EPHB2: variants seen among roughly 807,000 people sequenced by gnomAD.
EPHB2 encodes ephrin type-B receptor 2.
EPHB2 carries 18 observed loss-of-function variants against 96.4 expected under a neutral mutation model. The ratio of observed to expected loss-of-function variants is 0.19; its 90% confidence interval spans 0.13 to 0.28. The LOEUF (loss-of-function observed/expected upper bound fraction) is 0.28, where lower values mean the gene tolerates loss of function less well. Among genes scored for constraint, EPHB2 ranks in the 10% least tolerant of loss-of-function variants. EPHB2 has a pLI of 1.00. For synonymous variants in EPHB2, 506 were observed against 534.1 expected, an observed-to-expected ratio of 0.95 and a Z score of 0.72; for missense variants, 989 against 1,355.4, an observed-to-expected ratio of 0.73 and a Z score of 4.25.
chr1:22,780,702 G>C (rs536719761), intron 1 of EPHB2, among the ~76,000 whole-genome samples: 3 of 152,320 alleles, frequency 2.0e-5, no homozygotes, highest in South Asian at 2.1e-4. Context: ...TTTAGTGGCA[G>C]AGCCTCGGAA....
intron 1 of EPHB2, among the ~76,000 whole-genome samples, chr1:22,737,881 T>C (rs1185305852): frequency 6.6e-6 from 1 of 152,082 alleles, no homozygotes; most frequent in Non-Finnish European, 1.5e-5. Context: ...CCACAAGACC[T>C]TGGAAGTAGG....
At chr1:22,767,770 C>T (rs927956299) in intron 1 of EPHB2, among the ~76,000 whole-genome samples, 1 of 152,186 alleles carries the variant, frequency 6.6e-6, no homozygotes, top group East Asian at 1.9e-4. Flanking sequence ...ATGTCAAGGG[C>T]CCCACCAGCC....
At chr1:22,877,666 G>T (rs1329491340) in intron 5 of EPHB2, among the ~76,000 whole-genome samples, 3 of 152,188 alleles carry the variant, frequency 2.0e-5, no homozygotes, top group Non-Finnish European at 4.4e-5. Flanking sequence ...CAGAAGCCAG[G>T]CTGCAAGCAG....
At chr1:22,736,284 G>C (rs927765400) in intron 1 of EPHB2, among the ~76,000 whole-genome samples, 2 of 152,204 alleles carry the variant, frequency 1.3e-5, no homozygotes, top group Non-Finnish European at 2.9e-5. Context: ...GATAAGGCTG[G>C]TATGGGGGAA....
intron 5 of EPHB2, among the ~76,000 whole-genome samples, chr1:22,869,628 C>T (rs1413412595): frequency 6.6e-6 from 1 of 152,142 alleles, no homozygotes; most frequent in Non-Finnish European, 1.5e-5. Context: ...CAGCAGGCAA[C>T]TGGAGGGAGG....
In EPHB2 at chr1:22,913,800, G is replaced by A. The variant is rs369027672; in HGVS notation, c.*230G>A. The stretch of plus-strand genomic sequence containing the variant: ...AAGAAAACAGATCCTGGGAGGGGGC[G>A]GGAAATACAAGGAATATTTTTTAAA... On this transcript the variant is annotated 3_prime_UTR_variant, in exon 16 of 16. Transcript: ENST00000374630. This position sits in a 1 kb window ranked among gnomAD's most constrained non-coding sequence, Gnocchi z 4.1. The A allele has an allele frequency of 1.3e-5, 21 of 1,609,852 alleles. No individual in the cohort carries two copies. The highest frequency in any genetic ancestry group is 6.7e-5 in the East Asian group (3 of 44,816).
intron 1 of EPHB2, among the ~76,000 whole-genome samples, chr1:22,762,984 C>T (rs537421024): frequency 3.9e-5 from 6 of 152,284 alleles, no homozygotes; most frequent in African/African-American, 9.6e-5. Flanking sequence ...ACCACGCAGA[C>T]CCTCAGTGAG....
At chr1:22,747,142 A>T (rs1482874700) in intron 1 of EPHB2, among the ~76,000 whole-genome samples, 1 of 152,188 alleles carries the variant, frequency 6.6e-6, no homozygotes, top group East Asian at 1.9e-4. Context: ...AAACCCAGGC[A>T]AACAGGGAGA....
intron 5 of EPHB2, among the ~76,000 whole-genome samples, chr1:22,868,275 G>A (rs113008833): frequency 2.5e-4 from 38 of 152,250 alleles, no homozygotes; most frequent in South Asian, 4.2e-4. Context: ...CCTCAGGATC[G>A]AAAGACAGAG....
intron 3 of EPHB2, among the ~76,000 whole-genome samples, chr1:22,802,126 G>C (rs535913818): frequency 2.6e-5 from 4 of 152,070 alleles, no homozygotes; most frequent in Admixed American, 2.6e-4. Context: ...GAGGGGGCCC[G>C]CCCAGTGTTG....
At chr1:22,778,612 C>T (rs1047450222) in intron 1 of EPHB2, among the ~76,000 whole-genome samples, 3 of 152,358 alleles carry the variant, frequency 2.0e-5, no homozygotes, top group Non-Finnish European at 4.4e-5. Flanking sequence ...GATGCCGGCC[C>T]TCTACCTCCT....
chr1:22,851,080 A>T (rs1645619273), intron 3 of EPHB2, among the ~76,000 whole-genome samples: 1 of 152,096 alleles, frequency 6.6e-6, no homozygotes. Context: ...CTGCAACCTG[A>T]ACCTCCCAGG....
At chr1:22,863,279 C>T in intron 4 of EPHB2, 87 bp downstream of exon 4, 1 of 1,591,068 alleles carries the variant, frequency 6.3e-7, no homozygotes, top group Non-Finnish European at 8.6e-7. Context: ...TGGGTGCCGT[C>T]CGGTTACAGC....
At chr1:22,873,348 A>G (rs1326611768) in intron 5 of EPHB2, among the ~76,000 whole-genome samples, 2 of 152,202 alleles carry the variant, frequency 1.3e-5, no homozygotes, top group African/African-American at 2.4e-5. Context: ...CTGCTCCAAC[A>G]TGTCTCAGCC....
intron 1 of EPHB2, among the ~76,000 whole-genome samples, chr1:22,727,042 C>T (rs565530424): frequency 8.9e-4 from 136 of 152,248 alleles, no homozygotes; most frequent in African/African-American, 3.2e-3. Flanking sequence ...GGTTTGAGTC[C>T]GTTAAGAGAA....
chr1:22,713,410 C>G (rs557658201), intron 1 of EPHB2, among the ~76,000 whole-genome samples: 1 of 152,160 alleles, frequency 6.6e-6, no homozygotes, highest in African/African-American at 2.4e-5. Flanking sequence ...CCATCGTCTA[C>G]GCCCTACTTC....
intron 1 of EPHB2, among the ~76,000 whole-genome samples, chr1:22,756,653 T>C (rs1644156288): frequency 6.6e-6 from 1 of 152,032 alleles, no homozygotes; most frequent in Non-Finnish European, 1.5e-5. Context: ...CTCCAGCCCA[T>C]GGACCTGCGC....
In EPHB2 at chr1:22,909,033, C is replaced by A. The variant is rs757823778; in HGVS notation, c.2364C>A (p.Ile788=). 1.9e-6 allele frequency: 3 copies of A among 1,614,154 alleles called. No individual in the cohort carries two copies. In the East Asian group the frequency reaches 6.7e-5, roughly 36 times the overall value. Residue 788 remains isoleucine (I), a synonymous_variant, in exon 13 of 16, where the codon ATC becomes ATA. Coordinates refer to ENST00000374630, the MANE Select transcript of EPHB2 (RefSeq NM_017449.5). The part of the protein sequence containing the change: ...PTYTSALGGK[I]PIRWTAPEAI... Reference sequence around the variant, plus strand: ...TTTCTGTCTCCCAGGGCGGAAAGATCCCCATCCGCTGGACAGCCCCGGAAG... The same window carrying A: ...TTTCTGTCTCCCAGGGCGGAAAGATACCCATCCGCTGGACAGCCCCGGAAG...
intron 1 of EPHB2, among the ~76,000 whole-genome samples, chr1:22,764,304 A>G (rs1644276026): frequency 6.6e-6 from 1 of 152,218 alleles, no homozygotes; most frequent in African/African-American, 2.4e-5. Context: ...AGTACTTACT[A>G]TAGCCAGGCT....
Sources: gnomAD v4.1 joint callset for allele counts (sites outside exome capture counted in the v4.1 genomes callset) on GRCh38, gnomAD v4.1.1 for gene constraint, Gnocchi (gnomAD v3.1) non-coding constraint, MANE v1.5 for transcripts, NCBI Gene and HGNC (gene_info 2026-07-23, HGNC 2026-07-21) for gene names.